The following GFRAL variants were observed in gnomAD, a reference collection of about 807,000 sequenced individuals.
GFRAL encodes GDNF family receptor alpha-like.
Under a neutral mutation model 45.4 loss-of-function variants are expected in GFRAL, and 36 were observed. The ratio of observed to expected loss-of-function variants is 0.79; its 90% CI spans 0.61 to 1.05. The LOEUF is 1.05. Ranked by LOEUF, GFRAL falls within the 50% of genes least tolerant of loss-of-function variation. GFRAL has a pLI of 0.00. For synonymous variants in GFRAL, 166 were observed against 154.1 expected (o/e 1.08, Z -0.57); for missense variants, 507 against 467.5 (o/e 1.08, Z -0.78).
intron 6 of GFRAL, among the ~76,000 whole-genome samples, chr6:55,382,385 A>C (rs953901118): frequency 6.6e-6 from 1 of 151,998 alleles, no homozygotes; most frequent in African/African-American, 2.4e-5. Context: ...AAATTACTTT[A>C]AATACCATCC....
chr6:55,370,562 A>G (rs1409464500), intron 6 of GFRAL, among the ~76,000 whole-genome samples: 1 of 152,190 alleles, frequency 6.6e-6, no homozygotes, highest in Non-Finnish European at 1.5e-5. Context: ...TAGCTTGATC[A>G]TCTTAGTACA....
intron 6 of GFRAL, among the ~76,000 whole-genome samples, chr6:55,372,621 T>A (rs1473959639): frequency 6.6e-6 from 1 of 152,130 alleles, no homozygotes; most frequent in Non-Finnish European, 1.5e-5. Context: ...TGCCTCACAG[T>A]CATAAAGGAG....
intron 3 of GFRAL, among the ~76,000 whole-genome samples, chr6:55,337,248 G>C (rs1342528351): frequency 6.6e-6 from 1 of 151,830 alleles, no homozygotes; most frequent in Admixed American, 6.6e-5. Context: ...TGTTGTTCCA[G>C]CCCTTCATTT....
intron 3 of GFRAL, among the ~76,000 whole-genome samples, chr6:55,339,591 C>A (rs1767935870): frequency 6.6e-6 from 1 of 151,974 alleles, no homozygotes; most frequent in African/African-American, 2.4e-5. Flanking sequence ...GGAAAAGAAA[C>A]TACAGAGAGT....
At chr6:55,337,583 T>C (rs1005252517) in intron 3 of GFRAL, among the ~76,000 whole-genome samples, 3 of 152,344 alleles carry the variant, frequency 2.0e-5, no homozygotes, top group African/African-American at 7.2e-5. Flanking sequence ...TGTTAACTTG[T>C]TGTAAGACTA....
intron 6 of GFRAL, among the ~76,000 whole-genome samples, chr6:55,389,461 C>T (rs936483754): frequency 4.6e-5 from 7 of 152,174 alleles, no homozygotes; most frequent in African/African-American, 1.7e-4. Flanking sequence ...ACTAGCAAAA[C>T]ATAATTTCTT....
intron 6 of GFRAL, among the ~76,000 whole-genome samples, chr6:55,373,252 T>C (rs1768476986): frequency 6.6e-6 from 1 of 152,080 alleles, no homozygotes; most frequent in African/African-American, 2.4e-5. Flanking sequence ...GTGGCTCCTA[T>C]TTTATCCTCT....
At chr6:55,375,871 C>T (rs895918924) in intron 6 of GFRAL, among the ~76,000 whole-genome samples, 6 of 152,100 alleles carry the variant, frequency 3.9e-5, no homozygotes, top group African/African-American at 1.4e-4. Flanking sequence ...CCTGATTTCC[C>T]TGGCCAGAAA....
chr6:55,354,930 G>A (rs1045543861), intron 5 of GFRAL, among the ~76,000 whole-genome samples: 5 of 151,806 alleles, frequency 3.3e-5, no homozygotes, highest in East Asian at 1.9e-4. Flanking sequence ...CTCTAGTACC[G>A]ACACCCTCAG....
chr6:55,331,202 C>A (rs1767824212), intron 1 of GFRAL, among the ~76,000 whole-genome samples: 1 of 151,988 alleles, frequency 6.6e-6, no homozygotes, highest in Non-Finnish European at 1.5e-5. Flanking sequence ...TAGAAAAGGT[C>A]TGAGAAGAGA....
chr6:55,344,416 A>T (rs1581903704), intron 3 of GFRAL, among the ~76,000 whole-genome samples: 1 of 152,228 alleles, frequency 6.6e-6, no homozygotes, highest in African/African-American at 2.4e-5. Context: ...AACCCAGCAT[A>T]TAAACAGAAC....
intron 6 of GFRAL, among the ~76,000 whole-genome samples, chr6:55,374,602 T>A (rs1463193912): frequency 1.3e-5 from 2 of 152,224 alleles, no homozygotes; most frequent in Non-Finnish European, 2.9e-5. Context: ...TGATGATAGT[T>A]TATTTTGCTG....
intron 8 of GFRAL, among the ~76,000 whole-genome samples, chr6:55,399,899 C>T (rs1319200581): frequency 6.6e-6 from 1 of 152,022 alleles, no homozygotes; most frequent in Non-Finnish European, 1.5e-5. Context: ...TTTTAATAGG[C>T]AATTATTGAA....
intron 2 of GFRAL, among the ~76,000 whole-genome samples, chr6:55,332,241 T>C (rs536746876): frequency 1.6e-4 from 24 of 152,308 alleles, no homozygotes; most frequent in Non-Finnish European, 3.1e-4. Flanking sequence ...TGTGCATTTG[T>C]CCATGCACAA....
chr6:55,349,110 G>C (rs1354646686), intron 3 of GFRAL, among the ~76,000 whole-genome samples: 6 of 151,998 alleles, frequency 3.9e-5, no homozygotes, highest in Admixed American at 3.9e-4. Context: ...GCTGAGACTT[G>C]ATCAATTAAA....
intron 3 of GFRAL, among the ~76,000 whole-genome samples, chr6:55,344,590 G>A (rs556626345): frequency 0.013 from 2,016 of 152,142 alleles, 24 homozygotes; most frequent in Non-Finnish European, 0.022. Flanking sequence ...TATCATACTG[G>A]ATGGGCAAAA....
intron 6 of GFRAL, among the ~76,000 whole-genome samples, chr6:55,387,440 T>C (rs1444839407): frequency 6.6e-6 from 1 of 152,206 alleles, no homozygotes; most frequent in Non-Finnish European, 1.5e-5. Flanking sequence ...ATTATGAGCA[T>C]GTGTATTCTT....
chr6:55,357,611 A>G, intron 5 of GFRAL, among the ~76,000 whole-genome samples: 1 of 151,452 alleles, frequency 6.6e-6, no homozygotes, highest in Non-Finnish European at 1.5e-5. Flanking sequence ...TTTTATTTTT[A>G]ATCCGTTTAA....
chr6:55,349,129 A>G (rs1284639877), intron 3 of GFRAL, among the ~76,000 whole-genome samples: 2 of 151,974 alleles, frequency 1.3e-5, no homozygotes, highest in African/African-American at 4.8e-5. Context: ...AAAAAATGAA[A>G]AACAATGCAT....
Sources: gnomAD v4.1 joint callset for allele counts (sites outside exome capture counted in the v4.1 genomes callset) on GRCh38, gnomAD v4.1.1 for gene constraint, MANE v1.5 for transcripts, NCBI Gene and HGNC (gene_info 2026-07-23, HGNC 2026-07-21) for gene names.